The following ITGA2 variants were observed in gnomAD, a reference collection of about 807,000 sequenced individuals.
The protein encoded by ITGA2 is integrin subunit alpha 2.
A neutral mutation model predicts 146.3 loss-of-function variants in ITGA2; 101 were observed. The ratio of observed to expected loss-of-function variants is 0.69; its 90% CI spans 0.59 to 0.81. ITGA2 has a LOEUF of 0.81. ITGA2 is among the 40% of genes least tolerant of loss of function. The pLI, the probability that ITGA2 is intolerant of heterozygous loss-of-function variation, is 0.00. For missense variants in ITGA2, 1,281 were observed against 1,402.7 expected, an observed-to-expected ratio of 0.91 and a Z score of 1.39; for synonymous variants, 477 against 487.1, an observed-to-expected ratio of 0.98 and a Z score of 0.27.
At chr5:53,069,131 A>G (rs1745271520) in intron 16 of ITGA2, among the ~76,000 whole-genome samples, 1 of 151,882 alleles carries the variant, frequency 6.6e-6, no homozygotes, top group Non-Finnish European at 1.5e-5. Context: ...TATTGAAAAT[A>G]ATAAAGTAAG....
At chr5:53,072,585 T>C in intron 18 of ITGA2, 28 bp from the exon 19 acceptor site, 7 of 1,570,778 alleles carry the variant, frequency 4.5e-6, no homozygotes, top group East Asian at 2.3e-5. Flanking sequence ...CAAGAGCAAA[T>C]GTATGGATCT....
Position 53,048,760 on chromosome 5 carries a change from C to A in ITGA2, c.620C>A (p.Thr207Lys), listed in dbSNP as rs756058711. Residue 207 changes from threonine (T) to lysine (K), a missense_variant, in exon 6 of 30, where the codon ACA (threonine) becomes AAA (lysine). Thr to Lys is a moderately conservative substitution (Grantham distance 78). Transcript: ENST00000296585. ...GTACAAGGCCTGGATATAGGCCCCACAAAGACACAGGTATGGCTAACAGAA... is the reference window on the plus strand; with the variant it reads ...GTACAAGGCCTGGATATAGGCCCCAAAAAGACACAGGTATGGCTAACAGAA... ...KFVQGLDIGP[T>K]KTQVGLIQYA... 6.2e-7 allele frequency: 1 copy of A among 1,613,702 alleles called. No individual in the cohort carries two copies. The highest frequency in any genetic ancestry group is 2.2e-5 in the East Asian group (1 of 44,862).
In ITGA2 at chr5:53,044,934, T is replaced by C. The variant is rs879016865; in HGVS notation, c.296-67T>C. On this transcript the variant is annotated intron_variant, in intron 3 of 29. Transcript: ENST00000296585. ...CATGCAAACATGGGTGTGCCTGTTT[T>C]CTTTTAATATCTTTAAGTAAACGAG... 2.6e-6 allele frequency: 3 copies of C among 1,152,768 alleles called. No individual in the cohort carries two copies. The South Asian group carries it at 3.8e-5, about 15-fold the overall frequency. The allele number at this position is 1,152,768 out of a possible 1,614,324, so 71.4% of individuals were successfully genotyped here.
At chr5:53,073,352 C>G in intron 20 of ITGA2, 93 bp downstream of exon 20, 2 of 1,351,134 alleles carry the variant, frequency 1.5e-6, no homozygotes, top group East Asian at 2.3e-5. Context: ...AAAGAAGCAC[C>G]TTAACCCTCA....
chr5:53,060,656 G>A (rs553988544), intron 11 of ITGA2, among the ~76,000 whole-genome samples: 15 of 151,994 alleles, frequency 9.9e-5, no homozygotes, highest in African/African-American at 3.1e-4. Context: ...TGAGAACAGC[G>A]TGGAATCTAG....
chr5:53,067,679 T>C (rs1669192615), intron 16 of ITGA2, among the ~76,000 whole-genome samples: 3 of 151,892 alleles, frequency 2.0e-5, no homozygotes. Flanking sequence ...CGTTGAGGAA[T>C]TAATAAACAT....
chr5:53,090,781 T>TG lies in ITGA2; in HGVS notation c.*183dup. 1 of 158,312 alleles carries TG rather than the reference T, an allele frequency of 6.3e-6. No individual in the cohort carries two copies. Among genetic ancestry groups the TG allele is most frequent in the Non-Finnish European group, 1.2e-5 (1 of 86,468 alleles). 9.8% of individuals were successfully genotyped at this position (158,312 alleles called of 1,614,324 possible). ...AAGAAATTGTGGGGGGTGGGGGAGG[T>TG]GCGGGGGGCAGGTAGGGAAATAATA... On this transcript the variant is annotated 3_prime_UTR_variant, in exon 30 of 30. Transcript: ENST00000296585.
chr5:53,059,829 TA>T, intron 10 of ITGA2, 44 bp from the exon 11 acceptor site: 1 of 1,592,994 alleles, frequency 6.3e-7, no homozygotes, highest in Non-Finnish European at 8.6e-7. Flanking sequence ...TCTTATGTTT[TA>T]AAGGTGATTT....
chr5:53,061,794 G>C (rs1744915252), intron 12 of ITGA2, among the ~76,000 whole-genome samples: 1 of 151,890 alleles, frequency 6.6e-6, no homozygotes, highest in Admixed American at 6.6e-5. Context: ...CCTTCTTTAA[G>C]CTGGAGAAAC....
chr5:53,048,237 G>C, intron 4 of ITGA2, 126 bp from the exon 5 acceptor site: 1 of 779,980 alleles, frequency 1.3e-6, no homozygotes, highest in East Asian at 2.6e-5. Flanking sequence ...TGACTCATTG[G>C]TTTTGAGTTG....
At chr5:53,076,923 G>A (rs912781281) in intron 23 of ITGA2, among the ~76,000 whole-genome samples, 1 of 152,018 alleles carries the variant, frequency 6.6e-6, no homozygotes, top group Non-Finnish European at 1.5e-5. Flanking sequence ...TAGACAGTGA[G>A]AAGTCATCCC....
chr5:53,018,239 G>C (rs371952081), intron 1 of ITGA2, among the ~76,000 whole-genome samples: 6 of 152,114 alleles, frequency 3.9e-5, no homozygotes, highest in African/African-American at 1.4e-4. Context: ...AGGGATGGGC[G>C]TTCTTGGCCA....
intron 20 of ITGA2, among the ~76,000 whole-genome samples, chr5:53,073,784 GCTAT>G (rs1299578884): frequency 2.0e-5 from 3 of 151,706 alleles, no homozygotes; most frequent in East Asian, 1.9e-4. Context: ...TTCCAAATGA[GCTAT>G]CTGATTAAAG....
intron 1 of ITGA2, among the ~76,000 whole-genome samples, chr5:52,992,232 C>T (rs1353758120): frequency 6.6e-6 from 1 of 152,156 alleles, no homozygotes; most frequent in Non-Finnish European, 1.5e-5. Flanking sequence ...CTCCTTTCCT[C>T]GCTGCTCTCC....
chr5:53,004,909 T>G (rs1314021544), intron 1 of ITGA2, among the ~76,000 whole-genome samples: 10 of 59,724 alleles, frequency 1.7e-4, no homozygotes, highest in African/African-American at 2.2e-4. Flanking sequence ...TTTTTTTTTT[T>G]TTTTTTTTTT....
intron 13 of ITGA2, 102 bp downstream of exon 13, chr5:53,063,031 A>G (rs1216430429): frequency 3.1e-6 from 3 of 952,696 alleles, no homozygotes; most frequent in Non-Finnish European, 4.8e-6. Context: ...GATAATTTGC[A>G]CAGATAGTAT....
At chr5:53,032,041 T>C (rs867126376) in intron 2 of ITGA2, among the ~76,000 whole-genome samples, 16 of 152,196 alleles carry the variant, frequency 1.1e-4, no homozygotes, top group Admixed American at 7.9e-4. Flanking sequence ...CTCTGTGTGA[T>C]GAGGACTGAC....
At chr5:53,075,770 A>G (rs571410751) in intron 23 of ITGA2, among the ~76,000 whole-genome samples, 2 of 152,084 alleles carry the variant, frequency 1.3e-5, no homozygotes, top group African/African-American at 4.8e-5. Flanking sequence ...TATTGAATCT[A>G]GTCACTGTTT....
At chr5:53,070,647 G>T (rs1055544875) in intron 17 of ITGA2, among the ~76,000 whole-genome samples, 1 of 151,744 alleles carries the variant, frequency 6.6e-6, no homozygotes, top group Non-Finnish European at 1.5e-5. Context: ...TCCAATTGTG[G>T]TTTCTACTAT....
Sources: gnomAD v4.1 joint callset for allele counts (sites outside exome capture counted in the v4.1 genomes callset) on GRCh38, gnomAD v4.1.1 for gene constraint, MANE v1.5 for transcripts, NCBI Gene and HGNC (gene_info 2026-07-23, HGNC 2026-07-21) for gene names.